The following NLRC4 variants were observed in gnomAD, a reference collection of about 807,000 sequenced individuals.
NLRC4 encodes the protein NLR family CARD domain containing 4.
NLRC4 carries 63 observed loss-of-function variants against 79.9 expected under a neutral mutation model. The ratio of observed to expected loss-of-function variants is 0.79; its 90% CI spans 0.64 to 0.97. NLRC4 has a LOEUF of 0.97. Ranked by LOEUF, NLRC4 falls within the 50% of genes least tolerant of loss-of-function variation. The probability of loss-of-function intolerance (pLI) is 0.00; values close to 1 mark genes in which losing one functional copy is unlikely to be tolerated. For missense variants in NLRC4, 1,074 were observed against 1,215.2 expected (o/e 0.88, Z 1.73); for synonymous variants, 461 against 456.5 (o/e 1.01, Z -0.12).
intron 4 of NLRC4, among the ~76,000 whole-genome samples, chr2:32,243,226 T>A (rs1325872734): frequency 1.3e-5 from 2 of 151,142 alleles, no homozygotes. Flanking sequence ...CTGGCCAACA[T>A]GGTGAAACTC....
intron 8 of NLRC4, among the ~76,000 whole-genome samples, chr2:32,229,545 C>T (rs1432282137): frequency 6.6e-6 from 1 of 152,146 alleles, no homozygotes; most frequent in African/African-American, 2.4e-5. Flanking sequence ...TCTCAGATTG[C>T]TGATGGGTAA....
rs369399658 is a variant in NLRC4 at position 32,250,426 on chromosome 2, T to C, written c.1438A>G (p.Ile480Val). ...GNGYLQKMVS[I>V]SDITSTYSSL... ...CTATAAGTGGATGTAATGTCCGAAA[T>C]GGAAACCATTTTCTGCAAGTAACCA... The change falls in exon 4 of 9, where the codon ATT becomes GTT. Residue 480 changes from isoleucine to valine, a missense_variant. Transcript: ENST00000402280. This position sits in a 1 kb window ranked among gnomAD's most constrained non-coding sequence, Gnocchi z 4.9. 6.2e-7 allele frequency: 1 copy of C among 1,614,184 alleles called. No individual in the cohort carries two copies. Among genetic ancestry groups the C allele is most frequent in the East Asian group, 2.2e-5 (1 of 44,878 alleles).
chr2:32,257,125 T>A (rs898108841), intron 1 of NLRC4, among the ~76,000 whole-genome samples: 4 of 152,230 alleles, frequency 2.6e-5, no homozygotes, highest in Non-Finnish European at 5.9e-5. Context: ...CTCTTCAAAG[T>A]TTCTTCTCAT....
At chr2:32,255,796 C>G (rs764965211) in intron 2 of NLRC4, among the ~76,000 whole-genome samples, 1 of 151,988 alleles carries the variant, frequency 6.6e-6, no homozygotes, top group Non-Finnish European at 1.5e-5. Context: ...GGGTGGATCA[C>G]GAGGTCAGGA....
intron 3 of NLRC4, among the ~76,000 whole-genome samples, chr2:32,252,105 C>A (rs539167881): frequency 9.2e-5 from 14 of 152,174 alleles, no homozygotes; most frequent in Non-Finnish European, 1.8e-4. Context: ...AGATCTCATC[C>A]AACCAGGGAA....
chr2:32,245,503 G>C (rs759828913), intron 4 of NLRC4, among the ~76,000 whole-genome samples: 1 of 151,840 alleles, frequency 6.6e-6, no homozygotes, highest in Non-Finnish European at 1.5e-5. Context: ...GGTGGAAATG[G>C]TTAATGGATA....
intron 3 of NLRC4, 119 bp from the exon 4 acceptor site, chr2:32,251,720 C>T (rs1486885331): frequency 1.4e-6 from 1 of 692,504 alleles, no homozygotes; most frequent in African/African-American, 1.8e-5. Context: ...ATGTAATGTC[C>T]TTTCCCAGTT....
At chr2:32,236,399 AAGT>A in intron 6 of NLRC4, 60 bp from the exon 7 acceptor site, 1 of 1,006,128 alleles carries the variant, frequency 9.9e-7, no homozygotes, top group Non-Finnish European at 1.5e-6. Context: ...ATGTATTTTG[AAGT>A]ATCCTTAGAA....
chr2:32,264,908 C>CT (rs1039138715), upstream of NLRC4: 83 of 139,308 alleles, frequency 6.0e-4, no homozygotes, highest in African/African-American at 6.3e-4. Context: ...TGAGCAGTTC[C>CT]TTTTTTTTTT....
chr2:32,258,247 A>C (rs1347771732), intron 1 of NLRC4, among the ~76,000 whole-genome samples: 1 of 152,098 alleles, frequency 6.6e-6, no homozygotes, highest in Non-Finnish European at 1.5e-5. Flanking sequence ...TTCCGCCAGC[A>C]TTCTCCCTTC....
intron 3 of NLRC4, among the ~76,000 whole-genome samples, chr2:32,252,107 ACC>A (rs1687092533): frequency 6.6e-6 from 1 of 152,134 alleles, no homozygotes; most frequent in Non-Finnish European, 1.5e-5. Context: ...ATCTCATCCA[ACC>A]AGGGAATGCT....
chr2:32,260,733 G>A (rs906329834), intron 1 of NLRC4, among the ~76,000 whole-genome samples: 1 of 152,136 alleles, frequency 6.6e-6, no homozygotes, highest in East Asian at 1.9e-4. Context: ...GTGTACAGTA[G>A]GAACAGACAA....
intron 2 of NLRC4, among the ~76,000 whole-genome samples, chr2:32,256,065 T>G (rs1286658428): frequency 6.6e-6 from 1 of 152,044 alleles, no homozygotes. Flanking sequence ...CAGTAAGATA[T>G]TATTTTACTA....
intron 1 of NLRC4, among the ~76,000 whole-genome samples, chr2:32,261,961 C>G (rs1687361981): frequency 6.6e-6 from 1 of 151,378 alleles, no homozygotes; most frequent in Non-Finnish European, 1.5e-5. Context: ...GGCGCCTGTA[C>G]TCCCAGCTAC....
At chr2:32,245,380 A>G (rs1686911616) in intron 4 of NLRC4, among the ~76,000 whole-genome samples, 1 of 151,964 alleles carries the variant, frequency 6.6e-6, no homozygotes, top group African/African-American at 2.4e-5. Context: ...CCAGGCACAG[A>G]AAGACAGACA....
At chr2:32,264,528 T>A (rs1189336149) in intron 1 of NLRC4, among the ~76,000 whole-genome samples, 1 of 151,130 alleles carries the variant, frequency 6.6e-6, no homozygotes, top group Non-Finnish European at 1.5e-5. Context: ...AAGGGGTACA[T>A]GTACCCCTTG....
chr2:32,245,394 C>T (rs956903280), intron 4 of NLRC4, among the ~76,000 whole-genome samples: 9 of 150,486 alleles, frequency 6.0e-5, no homozygotes, highest in Non-Finnish European at 8.8e-5. Flanking sequence ...ACAGACATCA[C>T]GTGTTCTTAC....
intron 2 of NLRC4, among the ~76,000 whole-genome samples, chr2:32,254,616 T>G (rs1478930503): frequency 6.9e-6 from 1 of 145,810 alleles, no homozygotes; most frequent in Non-Finnish European, 1.5e-5. Flanking sequence ...GCTCCTGGTT[T>G]TTTTTTTTTT....
intron 4 of NLRC4, among the ~76,000 whole-genome samples, chr2:32,245,965 C>A (rs1299452044): frequency 6.6e-6 from 1 of 152,088 alleles, no homozygotes; most frequent in Non-Finnish European, 1.5e-5. Flanking sequence ...GGGTGGATCA[C>A]CTGAGGTTGG....
Sources: gnomAD v4.1 joint callset for allele counts (sites outside exome capture counted in the v4.1 genomes callset) on GRCh38, gnomAD v4.1.1 for gene constraint, Gnocchi (gnomAD v3.1) non-coding constraint, MANE v1.5 for transcripts, NCBI Gene and HGNC (gene_info 2026-07-23, HGNC 2026-07-21) for gene names.